The following WIPI2 variants were observed in gnomAD, a reference collection of about 807,000 sequenced individuals.
WIPI2 encodes WD repeat domain, phosphoinositide interacting 2, also known as WD repeat domain phosphoinositide-interacting protein 2.
WIPI2 carries 28 observed loss-of-function variants against 52.3 expected under a neutral mutation model. That is an observed-to-expected ratio of 0.54 (90% CI 0.40 to 0.73). The LOEUF (loss-of-function observed/expected upper bound fraction) is 0.73. Among genes scored for constraint, WIPI2 ranks in the 30% least tolerant of loss-of-function variants. The pLI is 0.00. For synonymous variants in WIPI2, 268 were observed against 245.0 expected, an observed-to-expected ratio of 1.09 and a Z score of -0.88; for missense variants, 506 against 602.9, an observed-to-expected ratio of 0.84 and a Z score of 1.68.
At chr7:5,209,326 A>G (rs1782445433) in intron 3 of WIPI2, among the ~76,000 whole-genome samples, 4 of 152,188 alleles carry the variant, frequency 2.6e-5, no homozygotes, top group South Asian at 4.1e-4. Flanking sequence ...GACCTCGAGC[A>G]CAAAGTAAGG....
At chr7:5,204,272 G>C (rs961380290) in intron 3 of WIPI2, among the ~76,000 whole-genome samples, 1 of 152,138 alleles carries the variant, frequency 6.6e-6, no homozygotes, top group Non-Finnish European at 1.5e-5. Context: ...TTAGAGACCA[G>C]CCTGGCCAAC....
chr7:5,214,968 A>T (rs1782740376), intron 4 of WIPI2, among the ~76,000 whole-genome samples: 1 of 152,222 alleles, frequency 6.6e-6, no homozygotes, highest in Non-Finnish European at 1.5e-5. Context: ...GGTGGATGGC[A>T]GTCTCTTTCA....
intron 7 of WIPI2, chr7:5,219,140 C>T (rs576508344): frequency 6.6e-6 from 1 of 152,284 alleles, no homozygotes; most frequent in East Asian, 1.9e-4. Flanking sequence ...GATCTTTTAT[C>T]TTCATTACCT....
At chr7:5,222,308 C>T (rs1430141611) in intron 7 of WIPI2, among the ~76,000 whole-genome samples, 1 of 152,188 alleles carries the variant, frequency 6.6e-6, no homozygotes, top group Non-Finnish European at 1.5e-5. Context: ...AATGATATGC[C>T]ACTTTTGCCC....
At position 5,214,541 on chromosome 7, in the gene WIPI2, C is replaced by G; in HGVS notation, c.218C>G (p.Thr73Arg). 6.2e-7 allele frequency: 1 copy of G among 1,614,242 alleles called. No homozygotes were observed. The highest frequency in any genetic ancestry group is 8.5e-7 in the Non-Finnish European group (1 of 1,180,050). Residue 73 changes from threonine to arginine, a missense_variant, in exon 4 of 13, where the codon ACG (threonine) becomes AGG (arginine). By Grantham distance (71) the Thr-to-Arg change is moderately conservative (BLOSUM62 -1). Around this residue, in one of 4 missense-constraint regions of WIPI2, gnomAD observed 237 missense variants for 346.9 expected, o/e 0.68. Transcript: ENST00000288828. Reference protein sequence around the residue: ...KLEQIYECTDTEDVCIVERLF... With the variant: ...KLEQIYECTDREDVCIVERLF... ...CTTCCCTTTGTGATTTCAGCCGATA[C>G]GGAAGATGTGTGCATTGTAGAGAGA...
At chr7:5,192,428 G>C (rs1206482230) in intron 1 of WIPI2, among the ~76,000 whole-genome samples, 1 of 152,176 alleles carries the variant, frequency 6.6e-6, no homozygotes, top group Admixed American at 6.5e-5. Flanking sequence ...AAATCAAATA[G>C]AGAAAAGCAT....
Position 5,230,898 on chromosome 7 carries a change from G to A in WIPI2, c.1316G>A (p.Arg439His), listed in dbSNP as rs745601775. 1.7e-5 allele frequency: 27 copies of A among 1,613,628 alleles called. No individual in the cohort carries two copies. Among genetic ancestry groups the A allele is most frequent in the African/African-American group, 5.3e-5 (4 of 74,914 alleles). The change falls in exon 13 of 13, where the codon CGC becomes CAC. Residue 439 changes from arginine (R) to histidine (H), a missense_variant. By Grantham distance (29) the Arg-to-His change is conservative. Around this residue, in one of 4 missense-constraint regions of WIPI2, gnomAD observed 194 missense variants for 175.1 expected, o/e 1.11. Coordinates refer to ENST00000288828, the MANE Select transcript of WIPI2 (RefSeq NM_015610.4). The surrounding 1 kb of genome is among the most constrained non-coding windows in gnomAD (Gnocchi z 4.8). The stretch of plus-strand genomic sequence containing the variant: ...CTGGAGGACGAGGCCAGCGCCCTGC[G>A]CCTGGATGAGGACAGCGAGCACCCG... ...ACLEDEASAL[R>H]LDEDSEHPPM... is the part of the protein sequence containing the mutation.
intron 3 of WIPI2, among the ~76,000 whole-genome samples, chr7:5,201,122 T>C (rs1660355268): frequency 6.6e-6 from 1 of 152,212 alleles, no homozygotes; most frequent in South Asian, 2.1e-4. Context: ...TGCCTTCACG[T>C]GAGCCACACG....
rs1189655972 is a variant in WIPI2 at position 5,190,467 on chromosome 7, C to G, written c.48C>G (p.Leu16=). Reference sequence around the variant, plus strand: ...GGGAGGCCGGCGCCGGCCAGCTGCTCTTCGCCAACTTCAACCAGGACAACA... The same window carrying G: ...GGGAGGCCGGCGCCGGCCAGCTGCTGTTCGCCAACTTCAACCAGGACAACA... ...QSGEAGAGQL[L]FANFNQDNTE... Residue 16 remains leucine, a synonymous_variant, in exon 1 of 13, where the codon CTC becomes CTG. Coordinates refer to ENST00000288828, the MANE Select transcript of WIPI2 (RefSeq NM_015610.4). 8.0e-6 allele frequency: 12 copies of G among 1,508,986 alleles called. No individual in the cohort carries two copies. The highest frequency in any genetic ancestry group is 6.3e-5 in the South Asian group (5 of 79,504). The allele number at this position is 1,508,986 out of a possible 1,614,324, so 93.5% of individuals were successfully genotyped here.
intron 6 of WIPI2, chr7:5,217,684 C>T: frequency 3.8e-6 from 2 of 524,616 alleles, no homozygotes; most frequent in South Asian, 4.0e-5. Context: ...GAGCTCCTCG[C>T]CACGGGAATG....
chr7:5,217,057 G>T lies in WIPI2; in HGVS notation c.479-33G>T, dbSNP rs372926475. 5.0e-6 allele frequency: 8 copies of T among 1,590,240 alleles called. No homozygotes were observed. In the African/African-American group the frequency reaches 8.1e-5, roughly 16 times the overall value. On this transcript the variant is annotated intron_variant, in intron 5 of 12. Transcript: ENST00000288828. ...TCCAAGAAGGAACTCTCAGGTGGAA[G>T]TTTGCATCTCGTCCTCCGTGTGTCA...
At chr7:5,201,084 C>T (rs778926913) in intron 3 of WIPI2, among the ~76,000 whole-genome samples, 1 of 152,238 alleles carries the variant, frequency 6.6e-6, no homozygotes, top group African/African-American at 2.4e-5. Context: ...CAGGCGCCGC[C>T]CGCCTTCCTG....
chr7:5,212,852 G>A (rs7805752), intron 3 of WIPI2, among the ~76,000 whole-genome samples: 16,223 of 152,306 alleles, frequency 0.11, 934 homozygotes, highest in Middle Eastern at 0.13. Flanking sequence ...CTAGCAAGCA[G>A]GGCTGCCGTG....
At chr7:5,201,320 TAAA>T (rs970325681) in intron 3 of WIPI2, among the ~76,000 whole-genome samples, 17 of 152,260 alleles carry the variant, frequency 1.1e-4, no homozygotes, top group Non-Finnish European at 2.5e-4. Flanking sequence ...CCAGTGCTTA[TAAA>T]GAGTGGAAGA....
intron 3 of WIPI2, among the ~76,000 whole-genome samples, chr7:5,200,536 A>C (rs1315938861): frequency 6.9e-6 from 1 of 145,780 alleles, no homozygotes; most frequent in Non-Finnish European, 1.5e-5. Flanking sequence ...GTGTGTGCGT[A>C]GGTTCTGTGC....
At position 5,198,220 on chromosome 7, in the gene WIPI2, C is replaced by T. The variant is rs192527230; in HGVS notation, c.129-1356C>T. 3.9e-5 allele frequency among the ~76,000 whole-genome samples: 6 copies of T among 152,328 alleles called. No individual in the cohort carries two copies. The East Asian group carries it at 9.6e-4, about 24-fold the overall frequency. On this transcript the variant is annotated intron_variant, in intron 2 of 12. Coordinates refer to ENST00000288828, the MANE Select transcript of WIPI2 (RefSeq NM_015610.4). ...GCCATGGCACAGCACAGGGGTGGAGCCACGGGTAGTAAAGGCCTGCAGAAG... is the reference window on the plus strand; with the variant it reads ...GCCATGGCACAGCACAGGGGTGGAGTCACGGGTAGTAAAGGCCTGCAGAAG...
At chr7:5,214,382 C>T in intron 3 of WIPI2, 153 bp from the exon 4 acceptor site, 1 of 1,602,972 alleles carries the variant, frequency 6.2e-7, no homozygotes, top group South Asian at 1.1e-5. Flanking sequence ...GACCCCCGGG[C>T]TGTCCCCACC....
intron 3 of WIPI2, among the ~76,000 whole-genome samples, chr7:5,213,958 T>G (rs1314944038): frequency 6.6e-6 from 1 of 152,224 alleles, no homozygotes; most frequent in African/African-American, 2.4e-5. Context: ...GTGCTGGGAT[T>G]ACAGGCGTGA....
At chr7:5,221,315 C>T (rs1404131068) in intron 7 of WIPI2, among the ~76,000 whole-genome samples, 2 of 151,946 alleles carry the variant, frequency 1.3e-5, no homozygotes, top group African/African-American at 4.8e-5. Flanking sequence ...CACCATGTTG[C>T]CCAGGGTGGT....
Sources: allele counts gnomAD v4.1 joint callset (sites outside exome capture counted in the v4.1 genomes callset), GRCh38; gene constraint gnomAD v4.1.1; regional missense constraint gnomAD v4.1.1; non-coding constraint Gnocchi (gnomAD v3.1); transcripts MANE v1.5; gene names NCBI Gene and HGNC (gene_info 2026-07-23, HGNC 2026-07-21).